The following DIP2C variants were observed in gnomAD, a reference collection of about 807,000 sequenced individuals.
The protein encoded by DIP2C is disco-interacting protein 2 homolog C.
DIP2C carries 33 observed loss-of-function variants against 192.4 expected under a neutral mutation model. The ratio of observed to expected loss-of-function variants is 0.17; its 90% CI spans 0.13 to 0.23. The LOEUF is 0.23. Ranked by LOEUF, DIP2C falls within the 10% of genes least tolerant of loss-of-function variation. DIP2C has a pLI of 1.00. For synonymous variants in DIP2C, 979 were observed against 864.1 expected (o/e 1.13, Z -2.33); for missense variants, 1,537 against 2,110.1 (o/e 0.73, Z 5.32).
At chr10:591,527 T>C (rs1026693940) in intron 1 of DIP2C, among the ~76,000 whole-genome samples, 1 of 152,192 alleles carries the variant, frequency 6.6e-6, no homozygotes, top group Admixed American at 6.5e-5. Context: ...AGTTACCCAT[T>C]TGAAGTACAA....
At chr10:642,786 C>T (rs1374375762) in intron 1 of DIP2C, among the ~76,000 whole-genome samples, 1 of 152,268 alleles carries the variant, frequency 6.6e-6, no homozygotes, top group Admixed American at 6.5e-5. Flanking sequence ...CTGTACCCTA[C>T]AGCAGTGTTC....
chr10:319,762 G>A (rs1008660613), intron 31 of DIP2C, among the ~76,000 whole-genome samples: 1 of 152,098 alleles, frequency 6.6e-6, no homozygotes, highest in African/African-American at 2.4e-5. Context: ...AAAGGTACTG[G>A]GAAATGTTAC....
intron 1 of DIP2C, among the ~76,000 whole-genome samples, chr10:670,089 C>T (rs1408478442): frequency 6.6e-6 from 1 of 152,166 alleles, no homozygotes; most frequent in African/African-American, 2.4e-5. Context: ...CACACACATG[C>T]ATACACACAC....
intron 1 of DIP2C, among the ~76,000 whole-genome samples, chr10:599,135 A>C (rs1270805919): frequency 6.6e-6 from 1 of 152,138 alleles, no homozygotes; most frequent in Non-Finnish European, 1.5e-5. Flanking sequence ...AGAGACCCAG[A>C]AACCCCAGCG....
chr10:520,310 C>T (rs1318637857), intron 1 of DIP2C, among the ~76,000 whole-genome samples: 1 of 152,150 alleles, frequency 6.6e-6, no homozygotes, highest in Non-Finnish European at 1.5e-5. Context: ...CACATCAGAG[C>T]CGACAGCAAC....
chr10:389,240 A>AT (rs920722514), intron 13 of DIP2C, among the ~76,000 whole-genome samples: 23 of 152,236 alleles, frequency 1.5e-4, no homozygotes, highest in African/African-American at 5.1e-4. Context: ...CTCAGGGTAC[A>AT]TCACAACGTC....
chr10:559,119 C>A lies in DIP2C; in HGVS notation c.86-72589G>T, dbSNP rs912865377. Among the ~76,000 whole-genome samples the A allele has an allele frequency of 5.3e-5, 8 of 152,318 alleles. 1 individual carries two copies. The East Asian group carries it at 1.5e-3, about 29-fold the overall frequency. ...CATTAAAAGTAAAATTTCTCCTTTC[C>A]ACTAGAATTATGAGCTTGGGGCAGC... On this transcript the variant is annotated intron_variant, in intron 1 of 36. Transcript: ENST00000280886.
intron 3 of DIP2C, among the ~76,000 whole-genome samples, chr10:449,287 C>A (rs906855725): frequency 6.6e-6 from 1 of 152,166 alleles, no homozygotes; most frequent in Non-Finnish European, 1.5e-5. Context: ...TAACAAAAGT[C>A]GACTTCTCCA....
intron 1 of DIP2C, among the ~76,000 whole-genome samples, chr10:564,591 CTG>C (rs977241966): frequency 1.3e-5 from 2 of 151,850 alleles, no homozygotes; most frequent in African/African-American, 4.9e-5. Flanking sequence ...CCGCTGGACT[CTG>C]TGGCATTTTG....
intron 1 of DIP2C, among the ~76,000 whole-genome samples, chr10:670,620 G>A (rs1445957265): frequency 1.3e-5 from 2 of 152,210 alleles, no homozygotes; most frequent in Admixed American, 6.5e-5. Context: ...TTTACATAAG[G>A]AACAGAAAAT....
At chr10:548,208 A>ACCCCCC (rs33930610) in intron 1 of DIP2C, among the ~76,000 whole-genome samples, 3 of 58,278 alleles carry the variant, frequency 5.1e-5, no homozygotes, top group African/African-American at 1.3e-4. Flanking sequence ...AGTCTGCCCC[A>ACCCCCC]CCCCCCCCCC....
chr10:435,904 T>C (rs773047921), intron 4 of DIP2C, among the ~76,000 whole-genome samples: 1 of 152,214 alleles, frequency 6.6e-6, no homozygotes, highest in African/African-American at 2.4e-5. Context: ...GACTGGCACC[T>C]TCCAACAGAA....
At chr10:482,211 A>G (rs1033563815) in intron 2 of DIP2C, among the ~76,000 whole-genome samples, 8 of 152,184 alleles carry the variant, frequency 5.3e-5, no homozygotes, top group African/African-American at 1.9e-4. Flanking sequence ...CGGCGTGGCC[A>G]TCGGGAGCCC....
At chr10:650,995 C>G in intron 1 of DIP2C, 1 of 717,444 alleles carries the variant, frequency 1.4e-6, no homozygotes, top group Non-Finnish European at 2.6e-6. Flanking sequence ...CCATCTCTCC[C>G]GGTGCCAGGG....
chr10:615,953 A>G (rs999031368), intron 1 of DIP2C, among the ~76,000 whole-genome samples: 4 of 152,194 alleles, frequency 2.6e-5, no homozygotes, highest in African/African-American at 9.7e-5. Flanking sequence ...GCCCGCTCAC[A>G]TTAATGACCA....
intron 3 of DIP2C, among the ~76,000 whole-genome samples, chr10:456,363 A>G (rs1969295339): frequency 7.3e-6 from 1 of 136,982 alleles, no homozygotes; most frequent in South Asian, 2.3e-4. Flanking sequence ...CGTGAGGAGT[A>G]AATGAGATGA....
intron 1 of DIP2C, among the ~76,000 whole-genome samples, chr10:557,727 G>A (rs1404514906): frequency 1.7e-5 from 1 of 60,356 alleles, no homozygotes. Flanking sequence ...CAGGGCAGGG[G>A]AGGGGAAGGG....
chr10:408,160 G>A (rs1331580264), intron 9 of DIP2C, among the ~76,000 whole-genome samples: 1 of 150,322 alleles, frequency 6.7e-6, no homozygotes, highest in African/African-American at 2.5e-5. Flanking sequence ...TTCTCTTGCA[G>A]GTGGATGTCC....
At chr10:317,554 A>G (rs1232048343) in intron 31 of DIP2C, among the ~76,000 whole-genome samples, 1 of 152,218 alleles carries the variant, frequency 6.6e-6, no homozygotes, top group Admixed American at 6.5e-5. Flanking sequence ...TGAGTGAATG[A>G]TGAACTCAGA....
Sources: allele counts gnomAD v4.1 joint callset (sites outside exome capture counted in the v4.1 genomes callset), GRCh38; gene constraint gnomAD v4.1.1; transcripts MANE v1.5; gene names NCBI Gene and HGNC (gene_info 2026-07-23, HGNC 2026-07-21).